ZSCAN18: variants seen among roughly 807,000 people sequenced by gnomAD.
ZSCAN18 encodes the protein zinc finger and SCAN domain-containing protein 18.
A neutral mutation model predicts 31.1 loss-of-function variants in ZSCAN18; 16 were observed. That is an observed-to-expected ratio of 0.51 (90% CI 0.35 to 0.78). ZSCAN18 has a LOEUF of 0.78. Among genes scored for constraint, ZSCAN18 ranks in the 30% least tolerant of loss-of-function variants. The pLI is 0.01. For synonymous variants in ZSCAN18, 375 were observed against 320.7 expected (o/e 1.17, Z -1.81); for missense variants, 731 against 697.4 (o/e 1.05, Z -0.54).
chr19:58,114,281 T>C (rs993714781), intron 1 of ZSCAN18, among the ~76,000 whole-genome samples: 2 of 152,130 alleles, frequency 1.3e-5, no homozygotes, highest in Admixed American at 6.6e-5. Flanking sequence ...AAAAAGATGA[T>C]AATAATAATG....
intron 1 of ZSCAN18, among the ~76,000 whole-genome samples, chr19:58,092,985 C>T (rs531190530): frequency 6.6e-6 from 1 of 152,194 alleles, no homozygotes; most frequent in East Asian, 1.9e-4. Context: ...CTATGTTGCC[C>T]AGGCTGGTCT....
intron 1 of ZSCAN18, chr19:58,109,262 C>A: frequency 8.1e-7 from 1 of 1,231,748 alleles, no homozygotes; most frequent in Non-Finnish European, 1.0e-6. Flanking sequence ...CTTCCCAACA[C>A]CATCCCAAGT....
At chr19:58,103,901 A>G (rs559678995) in intron 1 of ZSCAN18, among the ~76,000 whole-genome samples, 2 of 152,350 alleles carry the variant, frequency 1.3e-5, no homozygotes, top group Admixed American at 1.3e-4. Context: ...TCCAGTGAAT[A>G]TGTGAATGAC....
At chr19:58,116,199 A>T (rs1016153443) in intron 1 of ZSCAN18, among the ~76,000 whole-genome samples, 10 of 145,496 alleles carry the variant, frequency 6.9e-5, no homozygotes, top group African/African-American at 2.3e-4. Flanking sequence ...AAAAAACTCT[A>T]AAAAAAACCC....
chr19:58,106,423 C>CCTCCTTCTGT (rs1222230229), intron 1 of ZSCAN18, among the ~76,000 whole-genome samples: 15 of 10,186 alleles, frequency 1.5e-3, no homozygotes, highest in Non-Finnish European at 4.2e-3. Context: ...AGACATCTGG[C>CCTCCTTCTGT]TGGGCGCGGT....
At chr19:58,100,898 A>G (rs2146017107), upstream of ZSCAN18, among the ~76,000 whole-genome samples, 1 of 152,180 alleles carries the variant, frequency 6.6e-6, no homozygotes, top group East Asian at 1.9e-4. Context: ...AAAAGATGAA[A>G]TGTAGGTTTT....
chr19:58,115,011 A>G (rs868346425), intron 1 of ZSCAN18, among the ~76,000 whole-genome samples: 7 of 152,230 alleles, frequency 4.6e-5, no homozygotes, highest in African/African-American at 1.7e-4. Flanking sequence ...GGAGTTACCA[A>G]CTGGGAAAAT....
chr19:58,118,051 A>G (rs932898674), intron 1 of ZSCAN18, among the ~76,000 whole-genome samples: 28 of 151,958 alleles, frequency 1.8e-4, no homozygotes, highest in African/African-American at 6.5e-4. Flanking sequence ...CGGCGAGGAG[A>G]TGCGCGTACC....
At chr19:58,107,893 C>T in intron 1 of ZSCAN18, 1 of 1,070,534 alleles carries the variant, frequency 9.3e-7, no homozygotes, top group African/African-American at 1.7e-5. Flanking sequence ...CAGGAGCTGT[C>T]CCTGAAGGCT....
chr19:58,116,169 G>C (rs1193963844), intron 1 of ZSCAN18, among the ~76,000 whole-genome samples: 1 of 148,386 alleles, frequency 6.7e-6, no homozygotes, highest in Non-Finnish European at 1.5e-5. Flanking sequence ...TATTGCCCGA[G>C]GCACTGGATA....
At chr19:58,089,478 T>C (rs1183715648) in intron 2 of ZSCAN18, among the ~76,000 whole-genome samples, 1 of 151,484 alleles carries the variant, frequency 6.6e-6, no homozygotes, top group African/African-American at 2.4e-5. Context: ...ATACAAACAT[T>C]AGCTGGGCAT....
upstream of ZSCAN18, among the ~76,000 whole-genome samples, chr19:58,099,678 T>C (rs559006696): frequency 6.6e-6 from 1 of 152,218 alleles, no homozygotes; most frequent in Admixed American, 6.5e-5. Flanking sequence ...CACACTCTCA[T>C]GCAGAGTAGC....
chr19:58,108,623 G>T, intron 1 of ZSCAN18: 1 of 985,628 alleles, frequency 1.0e-6, no homozygotes, highest in Non-Finnish European at 1.2e-6. Context: ...GTCCTCTGGT[G>T]ACTGATGAAA....
Position 58,090,986 on chromosome 19 carries a change from T to C in ZSCAN18, c.-119-600A>G, listed in dbSNP as rs190492515. ...AAACCTGGATGTAAAAACCTTGAAA[T>C]AGGCCAGGCGCGGTGGCTCACGCCC... On this transcript the variant is annotated intron_variant, in intron 1 of 6. Transcript: ENST00000601144. This position sits in a 1 kb window ranked among gnomAD's most constrained non-coding sequence, Gnocchi z 4.7. 4.5e-4 allele frequency among the ~76,000 whole-genome samples: 68 copies of C among 151,830 alleles called. No homozygotes were observed. The highest frequency in any genetic ancestry group is 4.2e-4 in the South Asian group (2 of 4,814).
rs1599964102 is a variant in ZSCAN18, at chr19:58,090,240, A to G, written c.28T>C (p.Ser10Pro). The change falls in exon 2 of 7, where the codon TCC becomes CCC. Residue 10 changes from serine (S) to proline (P), a missense_variant. By Grantham distance (74) the Ser-to-Pro change is moderately conservative. Coordinates refer to ENST00000601144, the MANE Select transcript of ZSCAN18 (RefSeq NM_001145543.2). This position sits in a 1 kb window ranked among gnomAD's most constrained non-coding sequence, Gnocchi z 4.7. MLPLEKAFA[S>P]PRSSPAPPDL... Reference sequence around the variant, plus strand: ...GGCGGGGCTGGGGAGCTCCTGGGGGAGGCAAACGCCTTCTCCAAAGGCAAC... The same window carrying G: ...GGCGGGGCTGGGGAGCTCCTGGGGGGGGCAAACGCCTTCTCCAAAGGCAAC... The G allele has an allele frequency of 6.2e-7, 1 of 1,613,276 alleles. No individual in the cohort carries two copies.
chr19:58,084,758 C>A lies in ZSCAN18; in HGVS notation c.1460G>T (p.Gly487Val), dbSNP rs2074226379. The change falls in exon 7 of 7, where the codon GGG becomes GTG. Residue 487 changes from glycine to valine, a missense_variant. Around this residue, in one of 4 missense-constraint regions of ZSCAN18, gnomAD observed 597 missense variants for 499.5 expected, o/e 1.20. Transcript: ENST00000601144. The surrounding 1 kb of genome is among the most constrained non-coding windows in gnomAD (Gnocchi z 4.5). ...PQPSTREAQA[G>V]ARAGGPPESV... is the part of the protein sequence containing the mutation. ...CTCTGGGGGACCGCCCGCCCTAGCC[C>A]CCGCCTGGGCTTCGCGGGTGGACGG... is the stretch of plus-strand genomic sequence containing the variant. The A allele has an allele frequency of 6.4e-7, 1 of 1,566,022 alleles. No homozygotes were observed. The highest frequency in any genetic ancestry group is 1.2e-5 in the South Asian group (1 of 86,492).
intron 2 of ZSCAN18, among the ~76,000 whole-genome samples, chr19:58,089,645 ATAAG>A (rs771001263): frequency 9.7e-4 from 148 of 152,298 alleles, no homozygotes; most frequent in Non-Finnish European, 1.4e-3. Context: ...AAATAAATAA[ATAAG>A]TAAATAAAAG....
chr19:58,105,706 G>A (rs1043818020), intron 1 of ZSCAN18, among the ~76,000 whole-genome samples: 4 of 151,882 alleles, frequency 2.6e-5, no homozygotes, highest in Admixed American at 6.6e-5. Flanking sequence ...GCAGCTATGC[G>A]TGGTGGCTCA....
chr19:58,101,125 CTTTTTTT>C (rs71188077), upstream of ZSCAN18, among the ~76,000 whole-genome samples: 46 of 127,344 alleles, frequency 3.6e-4, no homozygotes, highest in African/African-American at 1.3e-3. Flanking sequence ...ATTCCTCCCA[CTTTTTTT>C]TTTTTTTTTT....
Sources: gnomAD v4.1 joint callset for allele counts (sites outside exome capture counted in the v4.1 genomes callset) on GRCh38, gnomAD v4.1.1 for gene constraint, gnomAD v4.1.1 regional missense constraint, Gnocchi (gnomAD v3.1) non-coding constraint, MANE v1.5 for transcripts, NCBI Gene and HGNC (gene_info 2026-07-23, HGNC 2026-07-21) for gene names.